The following NTM variants were observed in gnomAD, a reference collection of about 807,000 sequenced individuals.
NTM encodes neurotrimin.
Under a neutral mutation model 42.1 loss-of-function variants are expected in NTM, and 13 were observed. The ratio of observed to expected loss-of-function variants is 0.31; its 90% CI spans 0.20 to 0.49. The LOEUF (loss-of-function observed/expected upper bound fraction) is 0.49. NTM is among the 20% of genes least tolerant of loss of function. The pLI is 0.99. For missense variants in NTM, 373 were observed against 452.8 expected (o/e 0.82, Z 1.60); for synonymous variants, 187 against 179.2 (o/e 1.04, Z -0.35).
intron 1 of NTM, among the ~76,000 whole-genome samples, chr11:131,764,804 C>T (rs1232986776): frequency 6.6e-6 from 1 of 152,132 alleles, no homozygotes; most frequent in African/African-American, 2.4e-5. Context: ...ACCTTGTCCT[C>T]ACCCTCCCAG....
At position 132,212,163 on chromosome 11, in the gene NTM, G is replaced by C; in HGVS notation, c.526+16G>C. ...TCTCCCAAAGGTAAGAGAACAGTTTGTTGCATTGCATCATGAGGATAAATG... is the reference window on the plus strand; with the variant it reads ...TCTCCCAAAGGTAAGAGAACAGTTTCTTGCATTGCATCATGAGGATAAATG... On this transcript the variant is annotated intron_variant, in intron 4 of 8. Coordinates refer to ENST00000683400, the MANE Select transcript of NTM (RefSeq NM_001352005.2). The C allele has an allele frequency of 6.2e-7, 1 of 1,606,208 alleles. No homozygotes were observed. Among genetic ancestry groups the C allele is most frequent in the Non-Finnish European group, 8.5e-7 (1 of 1,176,780 alleles).
At chr11:132,228,698 C>T (rs7108701) in intron 4 of NTM, among the ~76,000 whole-genome samples, 75 of 152,324 alleles carry the variant, frequency 4.9e-4, no homozygotes, top group African/African-American at 1.7e-3. Context: ...TTTAGTTTTG[C>T]TTCCAGCTGC....
intron 2 of NTM, among the ~76,000 whole-genome samples, chr11:131,997,374 T>C (rs1449771579): frequency 6.6e-6 from 1 of 152,180 alleles, no homozygotes; most frequent in African/African-American, 2.4e-5. Flanking sequence ...TCTGGGTACG[T>C]GCGGAACACT....
chr11:131,695,158 AC>A (rs1290507953), intron 1 of NTM, among the ~76,000 whole-genome samples: 1 of 46,050 alleles, frequency 2.2e-5, no homozygotes, highest in South Asian at 1.1e-3. Context: ...TTTAGTACCC[AC>A]CCCCCCGCCC....
At chr11:131,596,625 G>A (rs1485498932) in intron 1 of NTM, among the ~76,000 whole-genome samples, 22 of 152,320 alleles carry the variant, frequency 1.4e-4, no homozygotes, top group South Asian at 1.2e-3. Context: ...GTAAATCTGC[G>A]GGAGCAGAAA....
At chr11:132,121,968 G>A (rs1450424783) in intron 2 of NTM, among the ~76,000 whole-genome samples, 1 of 152,198 alleles carries the variant, frequency 6.6e-6, no homozygotes, top group Non-Finnish European at 1.5e-5. Context: ...TCTGCAGACA[G>A]ATCTAATCAC....
chr11:131,429,500 C>T (rs191803199), intron 1 of NTM, among the ~76,000 whole-genome samples: 46 of 152,058 alleles, frequency 3.0e-4, no homozygotes, highest in Non-Finnish European at 4.4e-5. Flanking sequence ...ATCTGTGATG[C>T]TAATGATAAT....
chr11:131,442,287 A>G (rs899409426), intron 1 of NTM, among the ~76,000 whole-genome samples: 2 of 152,158 alleles, frequency 1.3e-5, no homozygotes, highest in African/African-American at 2.4e-5. Context: ...ATTTTATTAT[A>G]GCAATTGTGT....
At chr11:132,184,198 A>G (rs1435180947) in intron 3 of NTM, among the ~76,000 whole-genome samples, 1 of 152,100 alleles carries the variant, frequency 6.6e-6, no homozygotes, top group Non-Finnish European at 1.5e-5. Flanking sequence ...AGAAGAGGGA[A>G]CTTTCCCTGA....
At chr11:131,845,930 G>A (rs530245797) in intron 1 of NTM, among the ~76,000 whole-genome samples, 1 of 151,996 alleles carries the variant, frequency 6.6e-6, no homozygotes, top group Non-Finnish European at 1.5e-5. Context: ...GATCTGTGGA[G>A]CATTTCCTGT....
chr11:132,162,602 G>T (rs2074544475), intron 3 of NTM, among the ~76,000 whole-genome samples: 1 of 146,380 alleles, frequency 6.8e-6, no homozygotes, highest in Admixed American at 6.7e-5. Flanking sequence ...TGTGGGGCAT[G>T]TGTGGGGGAC....
chr11:131,589,408 TCC>T (rs1240514179), intron 1 of NTM, among the ~76,000 whole-genome samples: 1 of 152,108 alleles, frequency 6.6e-6, no homozygotes, highest in Non-Finnish European at 1.5e-5. Context: ...CACACTGCCA[TCC>T]CCCTCAATTA....
chr11:132,083,544 CA>C (rs2059346160), intron 2 of NTM, among the ~76,000 whole-genome samples: 1 of 152,154 alleles, frequency 6.6e-6, no homozygotes, highest in African/African-American at 2.4e-5. Context: ...CTTGAAGTCA[CA>C]AGAATATGGA....
intron 1 of NTM, among the ~76,000 whole-genome samples, chr11:131,437,375 A>C (rs934447148): frequency 1.3e-5 from 2 of 152,116 alleles, no homozygotes; most frequent in African/African-American, 4.8e-5. Flanking sequence ...TCTAATATTG[A>C]GAGTGGGGTG....
intron 4 of NTM, among the ~76,000 whole-genome samples, chr11:132,217,412 G>GGT (rs149092527): frequency 2.7e-5 from 4 of 148,684 alleles, no homozygotes; most frequent in Non-Finnish European, 4.5e-5. Context: ...GTATGTGTGG[G>GGT]GTGTGTGTGT....
intron 1 of NTM, among the ~76,000 whole-genome samples, chr11:131,789,644 AGAAG>A (rs2090510933): frequency 1.5e-5 from 2 of 129,700 alleles, no homozygotes; most frequent in Admixed American, 2.0e-4. Flanking sequence ...GAAAAGAAGA[AGAAG>A]AAGAAGAAGA....
intron 1 of NTM, among the ~76,000 whole-genome samples, chr11:131,789,029 T>C (rs575396172): frequency 6.6e-6 from 1 of 152,248 alleles, no homozygotes; most frequent in South Asian, 2.1e-4. Context: ...GGTCTCTGCG[T>C]GGAGCACTCT....
chr11:131,449,244 C>G (rs865797703), intron 1 of NTM, among the ~76,000 whole-genome samples: 1 of 151,246 alleles, frequency 6.6e-6, no homozygotes, highest in Non-Finnish European at 1.5e-5. Context: ...GAAGGACAGC[C>G]GGGGACTGCT....
At position 132,097,831 on chromosome 11, in the gene NTM, G is replaced by C. The variant is rs184959047; in HGVS notation, c.168-48451G>C. Among the ~76,000 whole-genome samples, 279 of 152,314 alleles carry C rather than the reference G, an allele frequency of 1.8e-3. 4 individuals carry two copies. The highest frequency in any genetic ancestry group is 6.4e-3 in the African/African-American group (268 of 41,570). On this transcript the variant is annotated intron_variant, in intron 2 of 8. Coordinates refer to ENST00000683400, the MANE Select transcript of NTM (RefSeq NM_001352005.2). ...TCCATAAAGGAGCCAGAGGGAAAAG[G>C]GTTCCGGCATTGGTTGAGTTCCTCC...
Sources: gnomAD v4.1 joint callset for allele counts (sites outside exome capture counted in the v4.1 genomes callset) on GRCh38, gnomAD v4.1.1 for gene constraint, MANE v1.5 for transcripts, NCBI Gene and HGNC (gene_info 2026-07-23, HGNC 2026-07-21) for gene names.